Variants in FAAH2 observed in about 807,000 individuals in gnomAD.
The protein encoded by FAAH2 is fatty-acid amide hydrolase 2.
A neutral mutation model predicts 36.9 loss-of-function variants in FAAH2; 60 were observed. The observed-to-expected ratio is 1.63, with a 90% CI of 1.32 to 2.02. The LOEUF (loss-of-function observed/expected upper bound fraction) is 2.02. Ranked by LOEUF, FAAH2 falls within the 30% of genes most tolerant of loss-of-function variation. The pLI, the probability that FAAH2 is intolerant of heterozygous loss-of-function variation, is 0.00. For synonymous variants in FAAH2, 214 were observed against 143.8 expected (o/e 1.49, Z -3.49); for missense variants, 689 against 397.5 (o/e 1.73, Z -6.23).
the FAAH2 span, among the ~76,000 whole-genome samples, chrX:57,206,107 C>T: frequency 9.0e-6 from 1 of 111,565 alleles, no homozygotes; most frequent in Non-Finnish European, 1.9e-5. Context: ...TTTATTTGAG[C>T]TTTATGGACT....
chrX:57,270,732 C>T, the FAAH2 span, among the ~76,000 whole-genome samples: 40,143 of 109,761 alleles, frequency 0.37, 6,322 homozygotes, highest in Middle Eastern at 0.61. Context: ...TGCAAGGGGT[C>T]GGGGAATTTT....
the FAAH2 span, among the ~76,000 whole-genome samples, chrX:57,223,029 C>T: frequency 8.9e-6 from 1 of 112,107 alleles, no homozygotes; most frequent in African/African-American, 3.2e-5. Context: ...GACAACAAAT[C>T]AACATATATT....
At chrX:57,292,332 T>A (rs900510561) in intron 1 of FAAH2, among the ~76,000 whole-genome samples, 166 bp from the exon 2 acceptor site, 16 of 111,752 alleles carry the variant, frequency 1.4e-4, no homozygotes, top group African/African-American at 4.9e-4. Context: ...GTAGACATCT[T>A]ATACCTCCTT....
intron 5 of FAAH2, among the ~76,000 whole-genome samples, chrX:57,373,688 C>T (rs2054605217): frequency 9.0e-6 from 1 of 111,355 alleles, no homozygotes; most frequent in African/African-American, 3.3e-5. Context: ...GTTTACTCTG[C>T]TGTTTCTTTT....
At chrX:57,449,013 G>C (rs1271547797) in intron 10 of FAAH2, among the ~76,000 whole-genome samples, 2 of 111,477 alleles carry the variant, frequency 1.8e-5, no homozygotes, top group Admixed American at 9.6e-5. Context: ...GATCACACTA[G>C]ATCCAAAGTC....
intron 2 of FAAH2, among the ~76,000 whole-genome samples, chrX:57,301,549 G>A (rs777255294): frequency 1.5e-3 from 158 of 106,309 alleles, no homozygotes; most frequent in Middle Eastern, 4.7e-3. Context: ...CCAACATGGC[G>A]CATGTATACA....
At chrX:57,197,242 T>G in the FAAH2 span, among the ~76,000 whole-genome samples, 2 of 111,768 alleles carry the variant, frequency 1.8e-5, no homozygotes, top group Admixed American at 1.9e-4. Flanking sequence ...TTTATGCTAT[T>G]TTTTTCTGTA....
the FAAH2 span, among the ~76,000 whole-genome samples, chrX:57,170,669 A>C: frequency 1.3e-5 from 1 of 77,681 alleles, no homozygotes; most frequent in Non-Finnish European, 2.6e-5. Context: ...GATCCTACTT[A>C]TAAGTGTGAA....
the FAAH2 span, among the ~76,000 whole-genome samples, chrX:57,149,487 A>T: frequency 3.6e-5 from 4 of 111,212 alleles, no homozygotes; most frequent in African/African-American, 9.8e-5. Context: ...TAGTCTTGGG[A>T]GGGTGTATGT....
chrX:57,274,192 CT>C, the FAAH2 span, among the ~76,000 whole-genome samples: 2 of 111,905 alleles, frequency 1.8e-5, no homozygotes, highest in African/African-American at 6.5e-5. Flanking sequence ...CACATACACC[CT>C]CACAAGTCTA....
the FAAH2 span, among the ~76,000 whole-genome samples, chrX:57,202,541 G>A: frequency 8.0e-5 from 9 of 111,945 alleles, no homozygotes; most frequent in Admixed American, 3.8e-4. Flanking sequence ...AGTGACACAA[G>A]CACTTTCTTG....
At chrX:57,448,150 G>A (rs142744102) in intron 9 of FAAH2, among the ~76,000 whole-genome samples, 301 of 111,249 alleles carry the variant, frequency 2.7e-3, no homozygotes, top group African/African-American at 9.2e-3. Context: ...ACCACACCTG[G>A]CTAAGAGATG....
chrX:57,131,796 T>C, the FAAH2 span, among the ~76,000 whole-genome samples: 6 of 111,912 alleles, frequency 5.4e-5, no homozygotes, highest in South Asian at 2.3e-3. Flanking sequence ...ATATAGGAAA[T>C]GAGTTATTAG....
the FAAH2 span, among the ~76,000 whole-genome samples, chrX:57,153,283 G>A: frequency 8.9e-6 from 1 of 111,764 alleles, no homozygotes; most frequent in Non-Finnish European, 1.9e-5. Flanking sequence ...GTCTCTTGAA[G>A]GCAGCAGATA....
chrX:57,360,379 T>G (rs1464721862), intron 5 of FAAH2, among the ~76,000 whole-genome samples: 1 of 110,214 alleles, frequency 9.1e-6, no homozygotes, highest in Non-Finnish European at 1.9e-5. Flanking sequence ...GTTTCTTTTT[T>G]GCTCATCTGA....
At chrX:57,388,896 A>G (rs2055092557) in intron 7 of FAAH2, among the ~76,000 whole-genome samples, 1 of 110,402 alleles carries the variant, frequency 9.1e-6, no homozygotes, top group African/African-American at 3.3e-5. Flanking sequence ...ACATTGAAAT[A>G]CGCATTTAAG....
At chrX:57,182,675 C>A in the FAAH2 span, among the ~76,000 whole-genome samples, 1 of 111,022 alleles carries the variant, frequency 9.0e-6, no homozygotes, top group Non-Finnish European at 1.9e-5. Context: ...ACTTGCCATT[C>A]TAAATTCCAT....
chrX:57,337,180 C>T (rs1349019712), intron 4 of FAAH2, among the ~76,000 whole-genome samples: 1 of 107,396 alleles, frequency 9.3e-6, no homozygotes, highest in Admixed American at 1.0e-4. Flanking sequence ...CATACACTTT[C>T]CCAAGACCGA....
At chrX:57,415,853 G>A (rs535012557) in intron 7 of FAAH2, among the ~76,000 whole-genome samples, 103 of 110,796 alleles carry the variant, frequency 9.3e-4, no homozygotes, top group Middle Eastern at 9.3e-3. Context: ...CTATTTTGTG[G>A]GAGTCTAAGT....
Sources: gnomAD v4.1 joint callset for allele counts (sites outside exome capture counted in the v4.1 genomes callset) on GRCh38, gnomAD v4.1.1 for gene constraint, MANE v1.5 for transcripts, NCBI Gene and HGNC (gene_info 2026-07-23, HGNC 2026-07-21) for gene names.